The following GRIN3A variants were observed in gnomAD, a reference collection of about 807,000 sequenced individuals.
GRIN3A encodes the protein glutamate ionotropic receptor NMDA type subunit 3A, also known as glutamate receptor ionotropic, NMDA 3A.
In GRIN3A, 47 loss-of-function variants were observed where a neutral mutation model predicts 92.4. That is an observed-to-expected ratio of 0.51 (90% CI 0.40 to 0.65). The LOEUF is 0.65. Ranked by LOEUF, GRIN3A falls within the 30% of genes least tolerant of loss-of-function variation. The pLI, the probability that GRIN3A is intolerant of heterozygous loss-of-function variation, is 0.00. For missense variants in GRIN3A, 1,324 were observed against 1,393.1 expected, an observed-to-expected ratio of 0.95 and a Z score of 0.79; for synonymous variants, 527 against 540.6, an observed-to-expected ratio of 0.97 and a Z score of 0.35.
intron 1 of GRIN3A, among the ~76,000 whole-genome samples, chr9:101,702,107 GC>G (rs1829763353): frequency 6.6e-6 from 1 of 152,110 alleles, no homozygotes; most frequent in Non-Finnish European, 1.5e-5. Context: ...TTCAAGACCA[GC>G]CTGGCCAACA....
chr9:101,627,024 C>A (rs922742867), intron 4 of GRIN3A, among the ~76,000 whole-genome samples: 5 of 152,218 alleles, frequency 3.3e-5, no homozygotes, highest in Middle Eastern at 3.2e-3. Context: ...TAGCTCATCT[C>A]ATCCTTTTTC....
intron 3 of GRIN3A, among the ~76,000 whole-genome samples, chr9:101,639,384 A>T (rs1828824683): frequency 1.3e-5 from 2 of 152,122 alleles, no homozygotes; most frequent in African/African-American, 2.4e-5. Context: ...ATGGCATCAG[A>T]ATAACCCCGG....
At chr9:101,643,233 G>C (rs1828889826) in intron 3 of GRIN3A, among the ~76,000 whole-genome samples, 1 of 152,104 alleles carries the variant, frequency 6.6e-6, no homozygotes, top group South Asian at 2.1e-4. Context: ...ATTAAAATGT[G>C]CTAAGGATCT....
rs1829546855 is a variant in GRIN3A, at chr9:101,686,982, G to T, written c.918C>A (p.Asp306Glu). The T allele has an allele frequency of 6.2e-7, 1 of 1,614,216 alleles. No individual in the cohort carries two copies. The highest frequency in any genetic ancestry group is 8.5e-7 in the Non-Finnish European group (1 of 1,180,034). The change falls in exon 2 of 9, where the codon GAC becomes GAA. Residue 306 changes from aspartate to glutamate, a missense_variant. Transcript: ENST00000361820. ...GCTGGATCTGTAGGAAGCTCAAGAG[G>T]TCCTGGGTGGAGGGGAGGTTAGCGG... ...NITANLPSTQ[D>E]LLSFLQIQLE...
chr9:101,633,181 A>T (rs2118886900), intron 3 of GRIN3A, among the ~76,000 whole-genome samples: 1 of 152,354 alleles, frequency 6.6e-6, no homozygotes, highest in South Asian at 2.1e-4. Flanking sequence ...AGATTAAAAA[A>T]TAATCCCAGT....
chr9:101,628,384 T>A lies in GRIN3A; in HGVS notation c.2370A>T (p.Gln790His). The A allele has an allele frequency of 6.2e-7, 1 of 1,613,862 alleles. No homozygotes were observed. The highest frequency in any genetic ancestry group is 2.2e-5 in the East Asian group (1 of 44,874). ...IHDPKLHHPS[Q>H]GFRFGTVRES... ...CTCGGACAGTTCCAAAGCGGAATCC[T>A]TGGGAAGGATGATGTAACTATGAGG... Residue 790 changes from glutamine (Q) to histidine (H), a missense_variant, in exon 4 of 9, where the codon CAA becomes CAT. Transcript: ENST00000361820.
At chr9:101,582,921 T>C (rs527877761) in intron 6 of GRIN3A, among the ~76,000 whole-genome samples, 266 of 152,360 alleles carry the variant, frequency 1.7e-3, no homozygotes, top group African/African-American at 5.7e-3. Context: ...ATAGGCCGTA[T>C]TGTTTATATT....
At chr9:101,706,746 G>C (rs965212447) in intron 1 of GRIN3A, among the ~76,000 whole-genome samples, 2 of 152,168 alleles carry the variant, frequency 1.3e-5, no homozygotes, top group Admixed American at 1.3e-4. Context: ...TTAATTCTCA[G>C]ATGGACCAGG....
intron 6 of GRIN3A, among the ~76,000 whole-genome samples, chr9:101,586,813 T>A (rs1404374573): frequency 6.6e-6 from 1 of 152,200 alleles, no homozygotes; most frequent in African/African-American, 2.4e-5. Flanking sequence ...CCAGTCAATG[T>A]GAATCTGAAA....
At chr9:101,616,511 T>C (rs1275486427) in intron 5 of GRIN3A, among the ~76,000 whole-genome samples, 1 of 152,098 alleles carries the variant, frequency 6.6e-6, no homozygotes, top group African/African-American at 2.4e-5. Flanking sequence ...TGACTTCCTA[T>C]TGTTAAGCAA....
intron 4 of GRIN3A, among the ~76,000 whole-genome samples, chr9:101,624,849 A>T (rs1828610406): frequency 6.6e-6 from 1 of 152,192 alleles, no homozygotes; most frequent in South Asian, 2.1e-4. Flanking sequence ...AACCACAATG[A>T]GATACCATCT....
chr9:101,680,072 G>A (rs1588279698), intron 2 of GRIN3A, among the ~76,000 whole-genome samples: 1 of 152,312 alleles, frequency 6.6e-6, no homozygotes, highest in East Asian at 1.9e-4. Context: ...CCCCTGCAAA[G>A]TAGTAGCTGA....
At chr9:101,689,240 A>T (rs976983436) in intron 1 of GRIN3A, among the ~76,000 whole-genome samples, 2 of 152,148 alleles carry the variant, frequency 1.3e-5, no homozygotes, top group African/African-American at 2.4e-5. Flanking sequence ...TCAGCTCCCT[A>T]TTCTGTTGCC....
In GRIN3A at chr9:101,570,469, A is replaced by G. The variant is rs1258943697; in HGVS notation, c.*2705T>C. On this transcript the variant is annotated 3_prime_UTR_variant, in exon 9 of 9. Coordinates refer to ENST00000361820, the MANE Select transcript of GRIN3A (RefSeq NM_133445.3). Reference sequence around the variant, plus strand: ...AATTGCAAAACACTGTTCAGTTACTACCAATAAAAATAACCATTGCTACTT... The same window carrying G: ...AATTGCAAAACACTGTTCAGTTACTGCCAATAAAAATAACCATTGCTACTT... The G allele has an allele frequency of 1.3e-5, 2 of 152,630 alleles. No homozygotes were observed. Among genetic ancestry groups the G allele is most frequent in the African/African-American group, 4.8e-5 (2 of 41,452 alleles). 9.5% of individuals were successfully genotyped at this position (152,630 alleles called of 1,614,324 possible). A position where few individuals can be genotyped will look rare whatever the true frequency, so the allele number is the denominator to read the frequency against.
chr9:101,635,835 G>A (rs769422621), intron 3 of GRIN3A, among the ~76,000 whole-genome samples: 3 of 152,148 alleles, frequency 2.0e-5, no homozygotes, highest in African/African-American at 4.8e-5. Context: ...AGCAGACCCC[G>A]TAAGGCTGAG....
Position 101,571,821 on chromosome 9 carries a change from C to G in GRIN3A, c.*1353G>C, listed in dbSNP as rs976191052. ...GAGCTCACCTCTAGACCTCCACCCC[C>G]AACCCCATAATCTCTGGAGAAGGGT... On this transcript the variant is annotated 3_prime_UTR_variant, in exon 9 of 9. Transcript: ENST00000361820. The G allele has an allele frequency of 1.3e-5, 2 of 152,238 alleles. No homozygotes were observed. The highest frequency in any genetic ancestry group is 4.8e-5 in the African/African-American group (2 of 41,438). 9.4% of individuals were successfully genotyped at this position (152,238 alleles called of 1,614,324 possible).
chr9:101,589,386 A>G (rs551968499), intron 6 of GRIN3A, among the ~76,000 whole-genome samples: 12 of 152,354 alleles, frequency 7.9e-5, no homozygotes, highest in Admixed American at 1.3e-4. Flanking sequence ...AAAATGACCC[A>G]TAAAAAGGGT....
chr9:101,692,814 T>G (rs1233312666), intron 1 of GRIN3A, among the ~76,000 whole-genome samples: 2 of 152,140 alleles, frequency 1.3e-5, no homozygotes, highest in African/African-American at 4.8e-5. Context: ...CTTCTGAAAA[T>G]TAAAGATTGT....
rs1345361469 is a variant in GRIN3A at position 101,572,387 on chromosome 9, A to C, written c.*787T>G. On this transcript the variant is annotated 3_prime_UTR_variant, in exon 9 of 9. Coordinates refer to ENST00000361820, the MANE Select transcript of GRIN3A (RefSeq NM_133445.3). Reference sequence around the variant, plus strand: ...CATAGTGGAGATGCTTAGTTACATTAGAAGTAGTCTTATTCATTTTTTAGC... The same window carrying C: ...CATAGTGGAGATGCTTAGTTACATTCGAAGTAGTCTTATTCATTTTTTAGC... 6.5e-6 allele frequency: 1 copy of C among 152,792 alleles called. No homozygotes were observed. 9.5% of individuals were successfully genotyped at this position (152,792 alleles called of 1,614,324 possible).
Sources: allele counts gnomAD v4.1 joint callset (sites outside exome capture counted in the v4.1 genomes callset), GRCh38; gene constraint gnomAD v4.1.1; transcripts MANE v1.5; gene names NCBI Gene and HGNC (gene_info 2026-07-23, HGNC 2026-07-21).